Variants in DLG2 observed in about 807,000 individuals in gnomAD.
DLG2 encodes disks large homolog 2.
Under a neutral mutation model 132.5 loss-of-function variants are expected in DLG2, and 45 were observed. The observed-to-expected ratio is 0.34, with a 90% CI of 0.27 to 0.44. The LOEUF is 0.44. Ranked by LOEUF, DLG2 falls within the 20% of genes least tolerant of loss-of-function variation. The pLI, the probability that DLG2 is intolerant of heterozygous loss-of-function variation, is 1.00. For synonymous variants in DLG2, 424 were observed against 419.6 expected (o/e 1.01, Z -0.13); for missense variants, 1,045 against 1,196.9 (o/e 0.87, Z 1.87).
At chr11:84,929,645 T>C (rs1354973877) in intron 6 of DLG2, among the ~76,000 whole-genome samples, 1 of 152,126 alleles carries the variant, frequency 6.6e-6, no homozygotes, top group Non-Finnish European at 1.5e-5. Flanking sequence ...ATTCTTCCCT[T>C]ATATCAGAAC....
chr11:84,209,635 C>T (rs1456100989), intron 8 of DLG2, among the ~76,000 whole-genome samples: 4 of 150,716 alleles, frequency 2.7e-5, no homozygotes, highest in Admixed American at 6.6e-5. Context: ...AAAATTTGTT[C>T]GTGAAGAAAT....
intron 3 of DLG2, among the ~76,000 whole-genome samples, chr11:85,536,058 A>C (rs1309869229): frequency 4.6e-5 from 7 of 151,882 alleles, no homozygotes; most frequent in African/African-American, 1.7e-4. Flanking sequence ...TCTACCAAAA[A>C]ATATAAAAAT....
chr11:83,653,731 ATTT>A (rs927665550), intron 18 of DLG2, among the ~76,000 whole-genome samples: 2 of 149,614 alleles, frequency 1.3e-5, no homozygotes, highest in African/African-American at 4.9e-5. Context: ...TTAGATTTTT[ATTT>A]TTTTTTTAGA....
intron 10 of DLG2, among the ~76,000 whole-genome samples, chr11:84,080,130 CTA>C (rs138373850): frequency 0.029 from 4,382 of 152,236 alleles, 199 homozygotes; most frequent in African/African-American, 0.099. Context: ...GTTCCCTTCT[CTA>C]TTCCCAGCTC....
At chr11:84,725,619 G>A (rs1384126580) in intron 6 of DLG2, among the ~76,000 whole-genome samples, 1 of 152,086 alleles carries the variant, frequency 6.6e-6, no homozygotes, top group African/African-American at 2.4e-5. Flanking sequence ...CAGTAACAAA[G>A]TATATACAAT....
intron 6 of DLG2, among the ~76,000 whole-genome samples, chr11:85,106,102 G>C (rs186891256): frequency 6.6e-6 from 1 of 151,912 alleles, no homozygotes; most frequent in East Asian, 1.9e-4. Flanking sequence ...GAGGCAGTCT[G>C]GGAGAGCATG....
intron 16 of DLG2, among the ~76,000 whole-genome samples, chr11:83,854,932 A>G (rs1028994344): frequency 2.6e-5 from 4 of 152,150 alleles, no homozygotes; most frequent in Non-Finnish European, 4.4e-5. Flanking sequence ...AACTATTATT[A>G]AAAATATACA....
intron 18 of DLG2, among the ~76,000 whole-genome samples, chr11:83,764,522 A>G (rs538512703): frequency 5.5e-4 from 84 of 152,254 alleles, no homozygotes; most frequent in Admixed American, 2.4e-3. Flanking sequence ...GTTGGATGGG[A>G]GTTACTCTAT....
chr11:85,162,668 T>C (rs2078125676), intron 4 of DLG2, among the ~76,000 whole-genome samples: 1 of 152,242 alleles, frequency 6.6e-6, no homozygotes, highest in Non-Finnish European at 1.5e-5. Context: ...CTTTATGTAG[T>C]AGTATTTGGG....
chr11:84,069,660 C>A (rs2096728491), intron 10 of DLG2, among the ~76,000 whole-genome samples: 1 of 152,202 alleles, frequency 6.6e-6, no homozygotes, highest in Non-Finnish European at 1.5e-5. Context: ...TTTGCCACTT[C>A]ATTTCCCTTC....
intron 19 of DLG2, among the ~76,000 whole-genome samples, chr11:83,582,136 A>G (rs971270578): frequency 6.6e-6 from 1 of 151,654 alleles, no homozygotes; most frequent in Non-Finnish European, 1.5e-5. Context: ...TTGTATTTTT[A>G]GTAGAGGCGG....
chr11:85,547,037 C>T (rs892276415), intron 3 of DLG2, among the ~76,000 whole-genome samples: 4 of 151,994 alleles, frequency 2.6e-5, no homozygotes, highest in African/African-American at 9.7e-5. Context: ...TGAATTTAAT[C>T]CCTCCATTAT....
At chr11:84,000,948 GA>G (rs1036389288) in intron 11 of DLG2, among the ~76,000 whole-genome samples, 83 of 151,894 alleles carry the variant, frequency 5.5e-4, no homozygotes, top group African/African-American at 2.0e-3. Flanking sequence ...ACATACAAAG[GA>G]AAAAGAGAAA....
chr11:85,008,190 G>C (rs1470075133), intron 6 of DLG2, among the ~76,000 whole-genome samples: 1 of 152,222 alleles, frequency 6.6e-6, no homozygotes, highest in Middle Eastern at 3.4e-3. Context: ...TTTTATGAAA[G>C]TTTTAAATTT....
intron 7 of DLG2, among the ~76,000 whole-genome samples, chr11:84,420,226 G>A (rs903996996): frequency 2.0e-5 from 3 of 152,122 alleles, no homozygotes; most frequent in Non-Finnish European, 4.4e-5. Context: ...GTTCTCCTTT[G>A]ACCATAATAT....
At chr11:85,515,756 T>C (rs1291275453) in intron 3 of DLG2, among the ~76,000 whole-genome samples, 2 of 151,976 alleles carry the variant, frequency 1.3e-5, no homozygotes, top group African/African-American at 4.8e-5. Flanking sequence ...TTCTCATTCA[T>C]ATAGTAGAAA....
chr11:83,623,553 G>C (rs1164596969), intron 19 of DLG2, among the ~76,000 whole-genome samples: 1 of 152,204 alleles, frequency 6.6e-6, no homozygotes, highest in Non-Finnish European at 1.5e-5. Context: ...AGCACGTGAA[G>C]CCTGGAGGAG....
intron 21 of DLG2, among the ~76,000 whole-genome samples, chr11:83,497,989 G>A (rs2094239119): frequency 6.6e-6 from 1 of 150,978 alleles, no homozygotes; most frequent in Non-Finnish European, 1.5e-5. Flanking sequence ...AAAGGGAATT[G>A]AGGAAAAAGT....
chr11:83,911,249 A>G (rs1484935852), intron 15 of DLG2, among the ~76,000 whole-genome samples: 1 of 152,166 alleles, frequency 6.6e-6, no homozygotes, highest in African/African-American at 2.4e-5. Context: ...GACAATAGAC[A>G]GAACTGCCTG....
Sources: allele counts gnomAD v4.1 joint callset (sites outside exome capture counted in the v4.1 genomes callset), GRCh38; gene constraint gnomAD v4.1.1; transcripts MANE v1.5; gene names NCBI Gene and HGNC (gene_info 2026-07-23, HGNC 2026-07-21).